PPIE: variants seen among roughly 807,000 people sequenced by gnomAD.
PPIE encodes the protein peptidyl-prolyl cis-trans isomerase E.
In PPIE, 20 loss-of-function variants were observed where a neutral mutation model predicts 38.4. The ratio of observed to expected loss-of-function variants is 0.52; its 90% CI spans 0.37 to 0.76. The LOEUF (loss-of-function observed/expected upper bound fraction) is 0.76. Ranked by LOEUF, PPIE falls within the 30% of genes least tolerant of loss-of-function variation. The pLI is 0.00. For synonymous variants in PPIE, 142 were observed against 135.7 expected (o/e 1.05, Z -0.32); for missense variants, 322 against 385.8 (o/e 0.83, Z 1.39).
At chr1:39,762,901 C>T (rs559335189) in intron 9 of PPIE, among the ~76,000 whole-genome samples, 8 of 152,340 alleles carry the variant, frequency 5.3e-5, no homozygotes, top group African/African-American at 9.6e-5. Flanking sequence ...TGCGAGTCTA[C>T]GTGTAGTGTG....
downstream of PPIE, chr1:39,758,881 GC>G (rs1648574523): frequency 6.6e-6 from 1 of 152,242 alleles, no homozygotes; most frequent in Admixed American, 6.5e-5. Context: ...CCGCAGTGTG[GC>G]CCCAGCCTCC....
rs759308796 is a variant in PPIE, at chr1:39,743,242, A to G, written c.228A>G (p.Thr76=). The part of the protein sequence containing the change: ...NMNESELFGR[T]IRVNLAKPMR... ...ATGAATCTGAGCTTTTTGGACGTAC[A>G]ATTCGTGTCAATTTGGCCAAACCAA... is the stretch of plus-strand genomic sequence containing the variant. Residue 76 remains threonine, a synonymous_variant, in exon 5 of 10, where the codon ACA becomes ACG. Transcript: ENST00000324379. 6.2e-7 allele frequency: 1 copy of G among 1,614,178 alleles called. No homozygotes were observed. The highest frequency in any genetic ancestry group is 8.5e-7 in the Non-Finnish European group (1 of 1,180,004).
At chr1:39,741,475 C>CT in intron 3 of PPIE, 66 bp downstream of exon 3, 6 of 1,559,126 alleles carry the variant, frequency 3.8e-6, no homozygotes, top group Non-Finnish European at 5.3e-6. Context: ...ACAAAGGAAG[C>CT]TTTTCACCAT....
intron 7 of PPIE, 173 bp from the exon 8 acceptor site, chr1:39,748,730 C>G: frequency 1.6e-6 from 1 of 616,380 alleles, no homozygotes; most frequent in Non-Finnish European, 2.8e-6. Context: ...AGTGAAACTC[C>G]GTCTCAAGGA....
chr1:39,754,261 A>G lies in PPIE; in HGVS notation c.*906A>G, dbSNP rs1056414125. On this transcript the variant is annotated 3_prime_UTR_variant, in exon 10 of 10. Coordinates refer to ENST00000324379, the MANE Select transcript of PPIE (RefSeq NM_006112.4). ...ACACAATACAGGCTATGGTCCCTGT[A>G]TTAGGGTTTTCTAGAGAAGCAGAAC... 1 of 194,614 alleles carries G rather than the reference A, an allele frequency of 5.1e-6. No homozygotes were observed. The highest frequency in any genetic ancestry group is 9.4e-6 in the Non-Finnish European group (1 of 106,738). 12.1% of individuals were successfully genotyped at this position (194,614 alleles called of 1,614,324 possible). A position where few individuals can be genotyped will look rare whatever the true frequency, so the allele number is the denominator to read the frequency against.
In PPIE at chr1:39,754,080, C is replaced by T. The variant is rs1648034709; in HGVS notation, c.*725C>T. ...TGTGCCAAGTACTATGCCTATTTGT[C>T]AGGAGACAGGAAGCCAACAAACTAC... On this transcript the variant is annotated 3_prime_UTR_variant, in exon 10 of 10. Coordinates refer to ENST00000324379, the MANE Select transcript of PPIE (RefSeq NM_006112.4). 1.0e-6 allele frequency: 1 copy of T among 984,992 alleles called. No individual in the cohort carries two copies. Among genetic ancestry groups the T allele is most frequent in the Non-Finnish European group, 1.2e-6 (1 of 829,638 alleles). 61.0% of individuals were successfully genotyped at this position (984,992 alleles called of 1,614,324 possible).
chr1:39,756,774 G>A (rs1460857723), downstream of PPIE: 1 of 216,796 alleles, frequency 4.6e-6, no homozygotes, highest in Non-Finnish European at 7.9e-6. Flanking sequence ...TATTAATAGT[G>A]TGTTTATTTG....
At chr1:39,751,946 TAAA>T (rs955594172) in intron 8 of PPIE, among the ~76,000 whole-genome samples, 1 of 151,724 alleles carries the variant, frequency 6.6e-6, no homozygotes, top group African/African-American at 2.4e-5. Flanking sequence ...GAAAAAAGAA[TAAA>T]AAAATTATCC....
intron 5 of PPIE, 150 bp from the exon 6 acceptor site, chr1:39,743,674 A>AT: frequency 1.6e-6 from 1 of 635,110 alleles, no homozygotes; most frequent in Non-Finnish European, 2.7e-6. Flanking sequence ...TACATTCTGG[A>AT]TGGGAACTTT....
Position 39,755,849 on chromosome 1 carries a change from G to A in PPIE, c.*2494G>A. The A allele has an allele frequency of 1.0e-6, 1 of 985,410 alleles. No individual in the cohort carries two copies. Among genetic ancestry groups the A allele is most frequent in the Non-Finnish European group, 1.2e-6 (1 of 829,916 alleles). 61.0% of individuals were successfully genotyped at this position (985,410 alleles called of 1,614,324 possible). A position where few individuals can be genotyped will look rare whatever the true frequency, so the allele number is the denominator to read the frequency against. On this transcript the variant is annotated 3_prime_UTR_variant, in exon 10 of 10. Transcript: ENST00000324379. ...TGCACAGGTAAACTGAGGCTTTATT[G>A]GCGTGACTGCCAAAGGTCACACAGG...
intron 5 of PPIE, 79 bp from the exon 6 acceptor site, chr1:39,743,745 C>T: frequency 2.6e-6 from 3 of 1,160,742 alleles, no homozygotes; most frequent in Middle Eastern, 2.5e-4. Flanking sequence ...TAGCATCTTC[C>T]ACTTTGCTGA....
Sources: allele counts gnomAD v4.1 joint callset (sites outside exome capture counted in the v4.1 genomes callset), GRCh38; gene constraint gnomAD v4.1.1; transcripts MANE v1.5; gene names NCBI Gene and HGNC (gene_info 2026-07-23, HGNC 2026-07-21).